FRMD5: variants seen among roughly 807,000 people sequenced by gnomAD.
The protein encoded by FRMD5 is FERM domain containing 5.
A neutral mutation model predicts 69.0 loss-of-function variants in FRMD5; 20 were observed. The observed-to-expected ratio is 0.29, with a 90% confidence interval of 0.20 to 0.42. The LOEUF is 0.42. FRMD5 is among the 10% of genes least tolerant of loss of function. The pLI, the probability that FRMD5 is intolerant of heterozygous loss-of-function variation, is 1.00. For missense variants in FRMD5, 595 were observed against 708.6 expected, an observed-to-expected ratio of 0.84 and a Z score of 1.82; for synonymous variants, 271 against 260.1, an observed-to-expected ratio of 1.04 and a Z score of -0.40.
chr15:43,989,680 C>A (rs1177369125), intron 1 of FRMD5: 4 of 970,356 alleles, frequency 4.1e-6, no homozygotes, highest in Non-Finnish European at 6.6e-6. Flanking sequence ...GGAGGGCATA[C>A]TCTTCATAGA....
At chr15:43,961,755 A>C (rs987412702) in intron 1 of FRMD5, among the ~76,000 whole-genome samples, 17 of 152,300 alleles carry the variant, frequency 1.1e-4, no homozygotes, top group Admixed American at 3.3e-4. Flanking sequence ...TCAACATATG[A>C]AAATCAATAA....
intron 1 of FRMD5, among the ~76,000 whole-genome samples, chr15:44,140,119 T>C (rs1012743576): frequency 6.6e-6 from 1 of 152,100 alleles, no homozygotes; most frequent in Non-Finnish European, 1.5e-5. Context: ...AAAACTGTGC[T>C]AAACAGAAAA....
intron 1 of FRMD5, among the ~76,000 whole-genome samples, chr15:44,034,876 C>G (rs1377042276): frequency 6.6e-6 from 1 of 152,064 alleles, no homozygotes; most frequent in African/African-American, 2.4e-5. Flanking sequence ...AACTATTTTC[C>G]CTCTACCCAG....
At chr15:44,165,137 G>A (rs1300635498) in intron 1 of FRMD5, among the ~76,000 whole-genome samples, 1 of 152,182 alleles carries the variant, frequency 6.6e-6, no homozygotes, top group Non-Finnish European at 1.5e-5. Context: ...AACCAAAGTC[G>A]GCCAGGAGCG....
chr15:43,981,184 T>C (rs978269368), intron 1 of FRMD5, among the ~76,000 whole-genome samples: 13 of 152,172 alleles, frequency 8.5e-5, no homozygotes, highest in African/African-American at 3.1e-4. Flanking sequence ...GGTCTCAACC[T>C]CCTGGCCTCA....
intron 1 of FRMD5, among the ~76,000 whole-genome samples, chr15:43,945,624 C>A (rs764657903): frequency 6.6e-5 from 10 of 152,162 alleles, no homozygotes; most frequent in Non-Finnish European, 1.2e-4. Context: ...CCACATGGAA[C>A]TTCTTGGACA....
chr15:43,980,995 T>C (rs1166091362), intron 1 of FRMD5, among the ~76,000 whole-genome samples: 1 of 152,148 alleles, frequency 6.6e-6, no homozygotes, highest in Non-Finnish European at 1.5e-5. Flanking sequence ...ACATAGTCAA[T>C]TTAACACAGA....
rs147117674 is a variant in FRMD5 at position 44,000,851 on chromosome 15, T to C, written c.103-76542A>G. ...TATTTGGAGATAGGGTCTCACTCTG[T>C]TGCCCAGGCTGGAGTGAAGTGGTGT... On this transcript the variant is annotated intron_variant, in intron 1 of 13. Coordinates refer to ENST00000417257, the MANE Select transcript of FRMD5 (RefSeq NM_032892.5). Among the ~76,000 whole-genome samples the C allele has an allele frequency of 5.6e-4, 86 of 152,282 alleles. 1 individual carries two copies. The East Asian group carries it at 0.011, about 19-fold the overall frequency.
intron 1 of FRMD5, among the ~76,000 whole-genome samples, chr15:44,085,647 TAAGAA>T (rs1894167778): frequency 6.6e-6 from 1 of 152,066 alleles, no homozygotes; most frequent in South Asian, 2.1e-4. Context: ...TAGAGAGTTG[TAAGAA>T]AATATAAAAT....
intron 1 of FRMD5, among the ~76,000 whole-genome samples, chr15:44,004,026 G>T (rs536242165): frequency 5.3e-5 from 8 of 152,222 alleles, no homozygotes; most frequent in African/African-American, 1.9e-4. Flanking sequence ...ATTATGAATT[G>T]TTTCACCCCC....
intron 1 of FRMD5, among the ~76,000 whole-genome samples, chr15:44,138,471 A>G (rs1054073570): frequency 2.6e-5 from 4 of 152,226 alleles, no homozygotes; most frequent in Non-Finnish European, 5.9e-5. Flanking sequence ...GCAATAATGG[A>G]TGCCTTGAAG....
chr15:43,876,272 C>G (rs12442297), intron 13 of FRMD5: 2 of 1,452,546 alleles, frequency 1.4e-6, no homozygotes, highest in Non-Finnish European at 1.9e-6. Context: ...GAACTCTGAA[C>G]TCTGGGCCTG....
At chr15:43,912,510 C>T (rs2089307145) in intron 4 of FRMD5, among the ~76,000 whole-genome samples, 1 of 152,010 alleles carries the variant, frequency 6.6e-6, no homozygotes, top group Non-Finnish European at 1.5e-5. Context: ...ACTCACTGAT[C>T]ACTCCCTGGG....
chr15:44,097,807 C>A (rs561398905), intron 1 of FRMD5, among the ~76,000 whole-genome samples: 1 of 152,278 alleles, frequency 6.6e-6, no homozygotes, highest in Admixed American at 6.5e-5. Context: ...CAATTGATTT[C>A]AACTTGTTCT....
intron 1 of FRMD5, among the ~76,000 whole-genome samples, chr15:44,159,533 A>C (rs2077580111): frequency 6.6e-6 from 1 of 152,194 alleles, no homozygotes; most frequent in Non-Finnish European, 1.5e-5. Context: ...AAGAAGAATG[A>C]AGGGATCTTG....
At chr15:44,105,747 A>G (rs1428211922) in intron 1 of FRMD5, among the ~76,000 whole-genome samples, 2 of 152,066 alleles carry the variant, frequency 1.3e-5, no homozygotes, top group Admixed American at 1.3e-4. Flanking sequence ...AAATGGACCT[A>G]TTTTTTACCT....
intron 2 of FRMD5, among the ~76,000 whole-genome samples, chr15:43,921,891 T>C (rs1370216675): frequency 6.6e-6 from 1 of 152,152 alleles, no homozygotes; most frequent in Middle Eastern, 3.2e-3. Flanking sequence ...GCATGGAGGC[T>C]CCTGCAGAGC....
At position 44,033,401 on chromosome 15, in the gene FRMD5, AAAAT is replaced by A. The variant is rs1189834621; in HGVS notation, c.103-109096_103-109093del. Among the ~76,000 whole-genome samples, 4 of 152,210 alleles carry A rather than the reference AAAAT, an allele frequency of 2.6e-5. No homozygotes were observed. The East Asian group carries it at 5.8e-4, about 22-fold the overall frequency. On this transcript the variant is annotated intron_variant, in intron 1 of 13. Coordinates refer to ENST00000417257, the MANE Select transcript of FRMD5 (RefSeq NM_032892.5). ...GCCTCCAAACCTAAAAGTTAAAAAA[AAAAT>A]AAAGTTTTTCAAACTGATAAGAGGC...
chr15:44,197,469 G>A (rs1307849211), upstream of FRMD5, among the ~76,000 whole-genome samples: 1 of 151,848 alleles, frequency 6.6e-6, no homozygotes, highest in Non-Finnish European at 1.5e-5. Flanking sequence ...GGATCACGAG[G>A]TCAGGAGTTC....
Sources: gnomAD v4.1 joint callset for allele counts (sites outside exome capture counted in the v4.1 genomes callset) on GRCh38, gnomAD v4.1.1 for gene constraint, MANE v1.5 for transcripts, NCBI Gene and HGNC (gene_info 2026-07-23, HGNC 2026-07-21) for gene names.